Variants in SOX6 observed in about 807,000 individuals in gnomAD.
SOX6 encodes the protein transcription factor SOX-6.
Under a neutral mutation model 97.8 loss-of-function variants are expected in SOX6, and 11 were observed. The ratio of observed to expected loss-of-function variants is 0.11; its 90% CI spans 0.07 to 0.19. The LOEUF (loss-of-function observed/expected upper bound fraction) is 0.19, where lower values mean the gene tolerates loss of function less well. SOX6 is among the 10% of genes least tolerant of loss of function. SOX6 has a pLI of 1.00. For synonymous variants in SOX6, 360 were observed against 371.4 expected, an observed-to-expected ratio of 0.97 and a Z score of 0.35; for missense variants, 810 against 1,039.5, an observed-to-expected ratio of 0.78 and a Z score of 3.04.
rs532652968 is a variant in SOX6, at chr11:16,695,758, C to T, written n.429+19072G>A. 1.4e-4 allele frequency among the ~76,000 whole-genome samples: 21 copies of T among 151,958 alleles called. No individual in the cohort carries two copies. The East Asian group carries it at 2.7e-3, about 20-fold the overall frequency. ...TACTCCACTCTTTGGGAGACCTAGGCGGGCAGATTGCTTGGGGTCAGGAAT... is the reference window on the plus strand; with the variant it reads ...TACTCCACTCTTTGGGAGACCTAGGTGGGCAGATTGCTTGGGGTCAGGAAT... On this transcript the variant is annotated intron_variant and non_coding_transcript_variant, in intron 3 of 5. Transcript: ENST00000524520.
intron 3 of SOX6, among the ~76,000 whole-genome samples, chr11:16,268,950 A>G (rs1166486298): frequency 6.6e-6 from 1 of 150,770 alleles, no homozygotes; most frequent in South Asian, 2.1e-4. Context: ...CAAATCTAGC[A>G]TGCTTTTCCT....
At chr11:16,206,194 G>A (rs1852068225) in intron 4 of SOX6, among the ~76,000 whole-genome samples, 1 of 151,982 alleles carries the variant, frequency 6.6e-6, no homozygotes, top group Non-Finnish European at 1.5e-5. Flanking sequence ...AATTTTAAGA[G>A]TATTCTGCAT....
At chr11:16,234,524 T>C in intron 4 of SOX6, 58 bp downstream of exon 4, 1 of 1,008,776 alleles carries the variant, frequency 9.9e-7, no homozygotes, top group Non-Finnish European at 1.5e-6. Context: ...AAATACATTG[T>C]TATACAAAAT....
chr11:16,046,728 T>C (rs1855845281), intron 11 of SOX6, 27 bp from the exon 12 acceptor site: 2 of 1,608,474 alleles, frequency 1.2e-6, no homozygotes, highest in African/African-American at 1.3e-5. Context: ...CATTATTAGA[T>C]GCTTGTGAGG....
intron 3 of SOX6, among the ~76,000 whole-genome samples, chr11:16,712,250 C>T (rs2134048382): frequency 6.6e-6 from 1 of 152,310 alleles, no homozygotes; most frequent in South Asian, 2.1e-4. Context: ...TTCTTTCCCT[C>T]TGGGTAAATA....
rs540803693 is a variant in SOX6 at position 16,380,287 on chromosome 11, G to T, written c.-4-39035C>A. 4.6e-5 allele frequency among the ~76,000 whole-genome samples: 7 copies of T among 152,102 alleles called. No homozygotes were observed. In the South Asian group the frequency reaches 1.5e-3, roughly 32 times the overall value. On this transcript the variant is annotated intron_variant, in intron 1 of 15. Coordinates refer to the SOX6 transcript ENST00000396356. ...AAGAGTAGCTTGCAAAACAGCATGT[G>T]CAATAAGATCCCATCTTTCCTTTAA... is the stretch of plus-strand genomic sequence containing the variant.
At chr11:16,064,812 C>T (rs1407551607) in intron 9 of SOX6, among the ~76,000 whole-genome samples, 1 of 151,820 alleles carries the variant, frequency 6.6e-6, no homozygotes, top group Non-Finnish European at 1.5e-5. Context: ...TAAAATTCAA[C>T]ATCCCTTCCT....
chr11:16,610,930 T>A lies in SOX6; in HGVS notation n.609+1151A>T, dbSNP rs543336938. On this transcript the variant is annotated intron_variant and non_coding_transcript_variant, in intron 4 of 5. Coordinates refer to the SOX6 transcript ENST00000524520. This position sits in a 1 kb window ranked among gnomAD's most constrained non-coding sequence, Gnocchi z 4.4. The stretch of plus-strand genomic sequence containing the variant: ...CACGGTGGCCAGATCCAGGAACTCA[T>A]AAGCTCACATCCCCTGGGGGTTGGA... Among the ~76,000 whole-genome samples the A allele has an allele frequency of 6.6e-6, 1 of 152,164 alleles. No individual in the cohort carries two copies. Among genetic ancestry groups the A allele is most frequent in the Non-Finnish European group, 1.5e-5 (1 of 68,030 alleles).
intron 1 of SOX6, among the ~76,000 whole-genome samples, chr11:16,737,331 C>T (rs915561418): frequency 6.6e-6 from 1 of 152,088 alleles, no homozygotes; most frequent in African/African-American, 2.4e-5. Flanking sequence ...CTCAGCCTCC[C>T]GAGTAGCTGG....
At chr11:15,987,798 A>T (rs1853911635) in intron 14 of SOX6, among the ~76,000 whole-genome samples, 1 of 152,034 alleles carries the variant, frequency 6.6e-6, no homozygotes, top group African/African-American at 2.4e-5. Flanking sequence ...CCCTATGCAT[A>T]ACTCTGAAGC....
chr11:16,168,182 T>C (rs942112561), intron 6 of SOX6, among the ~76,000 whole-genome samples: 1 of 152,162 alleles, frequency 6.6e-6, no homozygotes, highest in African/African-American at 2.4e-5. Context: ...TGACATAACA[T>C]GAATCTAATG....
At chr11:16,014,909 G>A (rs1468309596) in intron 13 of SOX6, 33 bp downstream of exon 13, 1 of 1,573,294 alleles carries the variant, frequency 6.4e-7, no homozygotes, top group Non-Finnish European at 8.7e-7. Context: ...AACACATGGA[G>A]CAGCAGAAAA....
intron 3 of SOX6, among the ~76,000 whole-genome samples, chr11:16,706,474 ATATAT>A (rs1848136619): frequency 2.9e-4 from 4 of 13,778 alleles, no homozygotes; most frequent in African/African-American, 1.9e-3. Context: ...AAAAAAAAAT[ATATAT>A]ATATATATAT....
At chr11:16,712,442 C>G (rs1848189140) in intron 3 of SOX6, among the ~76,000 whole-genome samples, 1 of 151,998 alleles carries the variant, frequency 6.6e-6, no homozygotes, top group Admixed American at 6.6e-5. Context: ...TATGGCCATT[C>G]TTGCAGGAGT....
chr11:16,511,747 C>A (rs1015916255), intron 4 of SOX6, among the ~76,000 whole-genome samples: 1 of 152,152 alleles, frequency 6.6e-6, no homozygotes, highest in Non-Finnish European at 1.5e-5. Context: ...TATTAAGCTA[C>A]TGAAACTTAA....
chr11:16,214,915 A>G (rs1456096364), intron 4 of SOX6, among the ~76,000 whole-genome samples: 1 of 151,762 alleles, frequency 6.6e-6, no homozygotes, highest in African/African-American at 2.4e-5. Flanking sequence ...ACACCCAGCT[A>G]ATTTTTGTAT....
chr11:16,686,791 ATTC>A (rs1847972528), intron 3 of SOX6, among the ~76,000 whole-genome samples: 1 of 152,222 alleles, frequency 6.6e-6, no homozygotes, highest in African/African-American at 2.4e-5. Context: ...GTGTTAGGCT[ATTC>A]TTGCATTGCT....
intron 3 of SOX6, among the ~76,000 whole-genome samples, chr11:16,709,009 G>A (rs1263838766): frequency 6.6e-6 from 1 of 152,116 alleles, no homozygotes; most frequent in Non-Finnish European, 1.5e-5. Flanking sequence ...AAAATGTTTT[G>A]CATTGCCAAT....
chr11:16,437,427 T>A (rs974908845), intron 1 of SOX6, among the ~76,000 whole-genome samples: 2 of 152,206 alleles, frequency 1.3e-5, no homozygotes, highest in Admixed American at 1.3e-4. Context: ...ACAGCAGAGA[T>A]GTTTTATATA....
Sources: allele counts gnomAD v4.1 joint callset (sites outside exome capture counted in the v4.1 genomes callset), GRCh38; gene constraint gnomAD v4.1.1; non-coding constraint Gnocchi (gnomAD v3.1); transcripts MANE v1.5; gene names NCBI Gene and HGNC (gene_info 2026-07-23, HGNC 2026-07-21).